SPATA7: variants seen among roughly 807,000 people sequenced by gnomAD.
SPATA7 encodes the protein spermatogenesis-associated protein 7.
SPATA7 carries 43 observed loss-of-function variants against 51.8 expected under a neutral mutation model. The observed-to-expected ratio is 0.83, with a 90% CI of 0.65 to 1.07. The LOEUF (loss-of-function observed/expected upper bound fraction) is 1.07, where lower values mean the gene tolerates loss of function less well. Among genes scored for constraint, SPATA7 ranks in the 50% least tolerant of loss-of-function variants. The pLI, the probability that SPATA7 is intolerant of heterozygous loss-of-function variation, is 0.00. For synonymous variants in SPATA7, 230 were observed against 252.8 expected, an observed-to-expected ratio of 0.91 and a Z score of 0.86; for missense variants, 683 against 701.3, an observed-to-expected ratio of 0.97 and a Z score of 0.30.
At chr14:88,437,510 T>G in intron 10 of SPATA7, 33 bp from the exon 11 acceptor site, 4 of 1,499,468 alleles carry the variant, frequency 2.7e-6, no homozygotes, top group South Asian at 1.1e-5. Flanking sequence ...TTTCTGATTT[T>G]GAGACATTAA....
intron 3 of SPATA7, 147 bp from the exon 4 acceptor site, chr14:88,396,009 G>A (rs891290410): frequency 2.3e-5 from 16 of 698,176 alleles, no homozygotes; most frequent in African/African-American, 5.4e-5. Context: ...TCCCAACAGT[G>A]TATTTTTAAT....
At chr14:88,447,461 AT>A (rs1292767889) in intron 3 of SPATA7, among the ~76,000 whole-genome samples, 1 of 152,068 alleles carries the variant, frequency 6.6e-6, no homozygotes, top group Non-Finnish European at 1.5e-5. Flanking sequence ...GTATATTTTA[AT>A]TGGAGCATTT....
chr14:88,421,049 G>C lies in SPATA7; in HGVS notation c.372+4205G>C, dbSNP rs189476590. On this transcript the variant is annotated intron_variant, in intron 5 of 11. Coordinates refer to ENST00000393545, the MANE Select transcript of SPATA7 (RefSeq NM_018418.5). ...GGGGAATCGAACCCAGGAGGTGGGA[G>C]GTCTCAATGAGCTGAGTTAACGCCA... is the stretch of plus-strand genomic sequence containing the variant. Among the ~76,000 whole-genome samples, 540 of 152,132 alleles carry C rather than the reference G, an allele frequency of 3.5e-3. 2 individuals are homozygous for C. The highest frequency in any genetic ancestry group is 5.9e-3 in the Non-Finnish European group (400 of 67,998).
At chr14:88,418,533 A>G (rs948375146) in intron 5 of SPATA7, among the ~76,000 whole-genome samples, 1 of 152,122 alleles carries the variant, frequency 6.6e-6, no homozygotes, top group African/African-American at 2.4e-5. Context: ...GGCATGCAGT[A>G]GTGTGATCTC....
At chr14:88,398,814 A>T (rs1016914278) in intron 4 of SPATA7, among the ~76,000 whole-genome samples, 1 of 152,074 alleles carries the variant, frequency 6.6e-6, no homozygotes, top group Admixed American at 6.5e-5. Context: ...GCACTTTGGG[A>T]GGCTGAGGCG....
At position 88,446,640 on chromosome 14, in the gene SPATA7, T is replaced by C. The variant is rs192836868; in HGVS notation, c.178-8420T>C. On this transcript the variant is annotated intron_variant, in intron 3 of 3. Transcript: ENST00000554802. Reference sequence around the variant, plus strand: ...GCATTTAGTGCTATAAATTTCCCTCTACACACTGCTTTGGATGCGTCCCAG... The same window carrying C: ...GCATTTAGTGCTATAAATTTCCCTCCACACACTGCTTTGGATGCGTCCCAG... Among the ~76,000 whole-genome samples the C allele has an allele frequency of 7.2e-5, 11 of 152,290 alleles. 1 individual carries two copies. The highest frequency in any genetic ancestry group is 2.6e-4 in the African/African-American group (11 of 41,554).
chr14:88,411,117 G>A (rs1483435636), intron 4 of SPATA7, among the ~76,000 whole-genome samples: 1 of 152,202 alleles, frequency 6.6e-6, no homozygotes, highest in Non-Finnish European at 1.5e-5. Context: ...TGGCCTTGTG[G>A]CGCTGTGGTG....
chr14:88,397,037 C>T (rs2075903776), intron 4 of SPATA7, among the ~76,000 whole-genome samples: 1 of 152,048 alleles, frequency 6.6e-6, no homozygotes, highest in South Asian at 2.1e-4. Context: ...GCGCAAGCCA[C>T]CACGCACAGC....
rs145946272 is a variant in SPATA7, at chr14:88,407,406, G to A, written c.239-9305G>A. Among the ~76,000 whole-genome samples the A allele has an allele frequency of 3.8e-3, 574 of 152,256 alleles. 5 individuals carry two copies. Among genetic ancestry groups the A allele is most frequent in the African/African-American group, 0.013 (529 of 41,566 alleles). ...TTTTTCATGTTTGTTGGCCACATCAGTGTCTTCTTTTGAAAAGTGTCTGTT... is the reference window on the plus strand; with the variant it reads ...TTTTTCATGTTTGTTGGCCACATCAATGTCTTCTTTTGAAAAGTGTCTGTT... On this transcript the variant is annotated intron_variant, in intron 4 of 11. Coordinates refer to ENST00000393545, the MANE Select transcript of SPATA7 (RefSeq NM_018418.5).
chr14:88,444,762 T>G (rs2077200054), intron 3 of SPATA7, among the ~76,000 whole-genome samples: 1 of 152,200 alleles, frequency 6.6e-6, no homozygotes. Flanking sequence ...CATTGCTTGT[T>G]TTCCTCAGGT....
At chr14:88,412,322 A>G (rs1219516312) in intron 4 of SPATA7, among the ~76,000 whole-genome samples, 1 of 151,684 alleles carries the variant, frequency 6.6e-6, no homozygotes, top group African/African-American at 2.4e-5. Context: ...TTTATTAAGT[A>G]TTAACTCACA....
Position 88,416,775 on chromosome 14 carries a change from A to G in SPATA7, c.303A>G (p.Lys101=). The part of the protein sequence containing the change: ...KELAQCEKEF[K]LTKTAMRANY... Reference sequence around the variant, plus strand: ...TAGCACAATGTGAAAAAGAGTTCAAATTAACTAAAACTGCAATGCGAGCCA... The same window carrying G: ...TAGCACAATGTGAAAAAGAGTTCAAGTTAACTAAAACTGCAATGCGAGCCA... The change falls in exon 5 of 12, where the codon AAA becomes AAG. Residue 101 remains lysine (K), a synonymous_variant. Coordinates refer to ENST00000393545, the MANE Select transcript of SPATA7 (RefSeq NM_018418.5). The G allele has an allele frequency of 6.2e-7, 1 of 1,612,706 alleles. No homozygotes were observed. Among genetic ancestry groups the G allele is most frequent in the East Asian group, 2.2e-5 (1 of 44,754 alleles).
intron 4 of SPATA7, chr14:88,415,965 G>T (rs555276941): frequency 6.6e-6 from 1 of 152,392 alleles, no homozygotes; most frequent in South Asian, 2.1e-4. Context: ...GCAAGATCTG[G>T]TTGTTTAAAA....
At chr14:88,468,032 C>A in intron 4 of SPATA7, 2 of 1,411,412 alleles carry the variant, frequency 1.4e-6, no homozygotes, top group Non-Finnish European at 2.0e-6. Context: ...CCCAGTGCCA[C>A]GCTGCGTGGA....
chr14:88,434,277 G>C (rs1052559008), intron 10 of SPATA7, among the ~76,000 whole-genome samples: 1 of 152,060 alleles, frequency 6.6e-6, no homozygotes, highest in Non-Finnish European at 1.5e-5. Flanking sequence ...TAAATGTTTG[G>C]TTGAATAAAC....
At chr14:88,465,556 A>G (rs1412032938) in intron 4 of SPATA7, among the ~76,000 whole-genome samples, 1 of 152,046 alleles carries the variant, frequency 6.6e-6, no homozygotes, top group Non-Finnish European at 1.5e-5. Context: ...AATCAGGAAA[A>G]CTGATACCAG....
intron 4 of SPATA7, chr14:88,466,903 AC>A (rs2077372931): frequency 6.6e-6 from 1 of 152,234 alleles, no homozygotes; most frequent in Non-Finnish European, 1.5e-5. Context: ...AAGGAAAAAT[AC>A]GCCTCTTTAA....
chr14:88,419,288 TG>T (rs1201974154), intron 5 of SPATA7, among the ~76,000 whole-genome samples: 1 of 152,124 alleles, frequency 6.6e-6, no homozygotes, highest in Admixed American at 6.6e-5. Context: ...GGTAGTTTCT[TG>T]GTGAACTGAA....
chr14:88,434,108 A>G (rs985173519), intron 10 of SPATA7, among the ~76,000 whole-genome samples: 8 of 152,184 alleles, frequency 5.3e-5, no homozygotes, highest in African/African-American at 7.2e-5. Flanking sequence ...TAAGATGATA[A>G]GTTTGGTTAG....
Sources: gnomAD v4.1 joint callset for allele counts (sites outside exome capture counted in the v4.1 genomes callset) on GRCh38, gnomAD v4.1.1 for gene constraint, MANE v1.5 for transcripts, NCBI Gene and HGNC (gene_info 2026-07-23, HGNC 2026-07-21) for gene names.